Variants in PGBD2 observed in about 807,000 individuals in gnomAD.
PGBD2 encodes the protein piggyBac transposable element derived 2.
A neutral mutation model predicts 8.1 loss-of-function variants in PGBD2; 6 were observed. The ratio of observed to expected loss-of-function variants is 0.74; its 90% CI spans 0.40 to 1.46. The LOEUF is 1.46. Among genes scored for constraint, PGBD2 ranks in the 40% most tolerant of loss-of-function variants. PGBD2 has a pLI of 0.02. For missense variants in PGBD2, 802 were observed against 739.0 expected (o/e 1.09, Z -0.99); for synonymous variants, 318 against 272.2 (o/e 1.17, Z -1.66).
rs147191021 is a variant in PGBD2 at position 248,916,636 on chromosome 1, G to T, written c.52G>T (p.Val18Leu). The change falls in exon 3 of 3, where the codon GTG becomes TTG. Residue 18 changes from valine (V) to leucine (L), a missense_variant. Coordinates refer to ENST00000329291, the MANE Select transcript of PGBD2 (RefSeq NM_170725.3). ...VIAGRGIHSK[V>L]KSAKLLEVLN... The stretch of plus-strand genomic sequence containing the variant: ...TGCTGGGAGAGGTATCCACTCAAAG[G>T]TGAAGTCTGCAAAGCTGCTTGAGGT... 1.4e-4 allele frequency: 224 copies of T among 1,614,134 alleles called. 2 individuals carry two copies. The African/African-American group carries it at 2.4e-3, about 17-fold the overall frequency.
the PGBD2 span, among the ~76,000 whole-genome samples, chr1:248,883,113 T>C: frequency 6.6e-6 from 1 of 151,254 alleles, no homozygotes; most frequent in Non-Finnish European, 1.5e-5. Flanking sequence ...AAGAATTTCT[T>C]TGTTTGTTTG....
chr1:248,917,496 C>A lies in PGBD2; in HGVS notation c.912C>A (p.Gly304=). The change falls in exon 3 of 3, where the codon GGC becomes GGA. Residue 304 remains glycine (G), a synonymous_variant. Coordinates refer to ENST00000329291, the MANE Select transcript of PGBD2 (RefSeq NM_170725.3). ...TTTGGTGTGGGACAACCAGCAGAGG[C>A]TACTTGGTGTGGTTTGAGCCCTCAC... ...YKIWCGTTSR[G]YLVWFEPSQG... 6.2e-7 allele frequency: 1 copy of A among 1,614,126 alleles called. No homozygotes were observed. Among genetic ancestry groups the A allele is most frequent in the Non-Finnish European group, 8.5e-7 (1 of 1,180,038 alleles).
chr1:248,906,762 C>G (rs1026796164), intron 1 of PGBD2, among the ~76,000 whole-genome samples: 1 of 151,432 alleles, frequency 6.6e-6, no homozygotes, highest in African/African-American at 2.4e-5. Context: ...TGTGCCGGGG[C>G]GCGCTGGGGG....
chr1:248,892,380 A>G, the PGBD2 span, among the ~76,000 whole-genome samples: 15 of 151,742 alleles, frequency 9.9e-5, 1 homozygote, highest in South Asian at 2.9e-3. Context: ...CTGACGATGT[A>G]ACGGTCATAG....
rs1662192504 is a variant in PGBD2 at position 248,918,258 on chromosome 1, C to T, written c.1674C>T (p.Asp558=). The change falls in exon 3 of 3, where the codon GAC becomes GAT. Residue 558 remains aspartate (D), a synonymous_variant. Transcript: ENST00000329291. ...TTGGGCACTGGATTATCCATCAGGA[C>T]AAGAGGACCCGGTGTGCCCTCTGCC... The part of the protein sequence containing the change: ...DMIGHWIIHQ[D]KRTRCALCHS... 1 of 1,612,932 alleles carries T rather than the reference C, an allele frequency of 6.2e-7. No individual in the cohort carries two copies.
At chr1:248,906,087 C>T (rs1661621936), upstream of PGBD2, 1 of 151,054 alleles carries the variant, frequency 6.6e-6, no homozygotes, top group Non-Finnish European at 1.5e-5. Flanking sequence ...TGGGTTATTT[C>T]GGCCGTTCTG....
At position 248,917,879 on chromosome 1, in the gene PGBD2, G is replaced by A; in HGVS notation, c.1295G>A (p.Arg432Lys). 6.2e-7 allele frequency: 1 copy of A among 1,614,226 alleles called. No homozygotes were observed. The change falls in exon 3 of 3, where the codon AGG (arginine) becomes AAG (lysine). Residue 432 changes from arginine to lysine, a missense_variant. By Grantham distance (26) the Arg-to-Lys change is conservative. Coordinates refer to ENST00000329291, the MANE Select transcript of PGBD2 (RefSeq NM_170725.3). ...AATGCTGTGGGCATAGAGCCAGTGA[G>A]GCTGACCAGTCGTCACTCTGGAGCA... The part of the protein sequence containing the change: ...CSNAVGIEPV[R>K]LTSRHSGAAK...
chr1:248,913,422 A>G (rs1053921476), intron 1 of PGBD2, among the ~76,000 whole-genome samples: 4 of 151,974 alleles, frequency 2.6e-5, no homozygotes, highest in African/African-American at 9.7e-5. Context: ...ATTTTTTTAA[A>G]CTTCTAATTA....
At chr1:248,893,090 G>C in the PGBD2 span, among the ~76,000 whole-genome samples, 2 of 152,126 alleles carry the variant, frequency 1.3e-5, no homozygotes, top group African/African-American at 4.8e-5. Context: ...GGTATAATTG[G>C]TATCCAGAAA....
downstream of PGBD2, among the ~76,000 whole-genome samples, chr1:248,922,771 G>A (rs1418515493): frequency 5.3e-5 from 8 of 152,282 alleles, no homozygotes; most frequent in Middle Eastern, 3.4e-3. Context: ...ATTGATTTGC[G>A]TGTGTTGAAC....
the PGBD2 span, among the ~76,000 whole-genome samples, chr1:248,891,563 T>C: frequency 6.6e-6 from 1 of 152,210 alleles, no homozygotes; most frequent in Non-Finnish European, 1.5e-5. Context: ...GGCACAGTGG[T>C]GCACACCTGT....
the PGBD2 span, among the ~76,000 whole-genome samples, chr1:248,874,340 T>C: frequency 3.9e-5 from 6 of 152,336 alleles, no homozygotes; most frequent in Admixed American, 6.5e-5. Context: ...TTAAAAACTG[T>C]TGCCGCAGGG....
intron 1 of PGBD2, among the ~76,000 whole-genome samples, chr1:248,910,678 A>G (rs1360396816): frequency 6.6e-6 from 1 of 152,234 alleles, no homozygotes; most frequent in African/African-American, 2.4e-5. Flanking sequence ...CTTAGTGCCA[A>G]GAAGGTCAGA....
upstream of PGBD2, among the ~76,000 whole-genome samples, chr1:248,902,397 C>A (rs932912607): frequency 1.3e-5 from 2 of 152,098 alleles, no homozygotes; most frequent in Admixed American, 1.3e-4. Flanking sequence ...ACTGTTGGTT[C>A]AAATGTAAAT....
At chr1:248,886,920 T>C in the PGBD2 span, among the ~76,000 whole-genome samples, 1 of 152,126 alleles carries the variant, frequency 6.6e-6, no homozygotes, top group Non-Finnish European at 1.5e-5. Context: ...AATTAGAAAA[T>C]CTCAAGGGGG....
In PGBD2 at chr1:248,917,519, C is replaced by G. The variant is rs777747753; in HGVS notation, c.935C>G (p.Ser312Ter). The change falls in exon 3 of 3, where the codon TCA becomes TGA. Residue 312 changes from serine to a stop codon, truncating the protein, a stop_gained. Transcript: ENST00000329291. LOFTEE classifies it low-confidence loss of function (END_TRUNC). ...SRGYLVWFEP[S>*]QGTLFTKPDR... ...GGCTACTTGGTGTGGTTTGAGCCCT[C>G]ACAGGGCACACTGTTTACCAAGCCA... 1.1e-5 allele frequency: 18 copies of G among 1,614,110 alleles called. No individual in the cohort carries two copies. Among genetic ancestry groups the G allele is most frequent in the Non-Finnish European group, 1.5e-5 (18 of 1,180,020 alleles).
chr1:248,900,856 C>G, the PGBD2 span, among the ~76,000 whole-genome samples: 1 of 152,118 alleles, frequency 6.6e-6, no homozygotes, highest in East Asian at 1.9e-4. Flanking sequence ...TGGGTCAGCC[C>G]AAAAGCTTGT....
chr1:248,882,677 C>T, the PGBD2 span, among the ~76,000 whole-genome samples: 1 of 152,190 alleles, frequency 6.6e-6, no homozygotes, highest in Admixed American at 6.5e-5. Flanking sequence ...ACAAGGGTTG[C>T]ATTCCATTCC....
the PGBD2 span, among the ~76,000 whole-genome samples, chr1:248,893,262 A>AT: frequency 6.6e-6 from 1 of 152,176 alleles, no homozygotes; most frequent in African/African-American, 2.4e-5. Context: ...ATCCTCTAAC[A>AT]TTTTTAAGTG....
Sources: gnomAD v4.1 joint callset for allele counts (sites outside exome capture counted in the v4.1 genomes callset) on GRCh38, gnomAD v4.1.1 for gene constraint, MANE v1.5 for transcripts, NCBI Gene and HGNC (gene_info 2026-07-23, HGNC 2026-07-21) for gene names.